The following TNRC18 variants were observed in gnomAD, a reference collection of about 807,000 sequenced individuals.
The protein encoded by TNRC18 is trinucleotide repeat containing 18, also known as trinucleotide repeat-containing gene 18 protein.
In TNRC18, 69 loss-of-function variants were observed where a neutral mutation model predicts 226.7. The ratio of observed to expected loss-of-function variants is 0.30; its 90% CI spans 0.25 to 0.37. TNRC18 has a LOEUF of 0.37. Ranked by LOEUF, TNRC18 falls within the 10% of genes least tolerant of loss-of-function variation. TNRC18 has a pLI of 1.00. For missense variants in TNRC18, 4,754 were observed against 4,256.6 expected, an observed-to-expected ratio of 1.12 and a Z score of -3.25; for synonymous variants, 2,449 against 1,927.6, an observed-to-expected ratio of 1.27 and a Z score of -7.09.
At chr7:5,345,166 G>A (rs1791038419) in intron 18 of TNRC18, among the ~76,000 whole-genome samples, 1 of 152,138 alleles carries the variant, frequency 6.6e-6, no homozygotes, top group African/African-American at 2.4e-5. Context: ...TCCTTCCCCT[G>A]CACCTGTGTC....
chr7:5,402,684 T>C (rs1781189782), intron 2 of TNRC18, among the ~76,000 whole-genome samples: 1 of 151,628 alleles, frequency 6.6e-6, no homozygotes, highest in Admixed American at 6.6e-5. Flanking sequence ...TGAAACCGCA[T>C]CTCTACTAAA....
rs1787010098 is a variant in TNRC18 at position 5,309,974 on chromosome 7, A to G, written c.8389-606T>C. 6.6e-6 allele frequency among the ~76,000 whole-genome samples: 1 copy of G among 152,076 alleles called. No homozygotes were observed. The highest frequency in any genetic ancestry group is 2.1e-4 in the South Asian group (1 of 4,822). On this transcript the variant is annotated intron_variant, in intron 27 of 29. Transcript: ENST00000430969. This position sits in a 1 kb window ranked among gnomAD's most constrained non-coding sequence, Gnocchi z 5.7. Reference sequence around the variant, plus strand: ...GTCACCCAGGCAGGACTGCAGTGGTAATATCATAGCTCACTGCAGCCTCGA... The same window carrying G: ...GTCACCCAGGCAGGACTGCAGTGGTGATATCATAGCTCACTGCAGCCTCGA...
chr7:5,405,815 A>C (rs1486883184), intron 2 of TNRC18, among the ~76,000 whole-genome samples: 2 of 152,056 alleles, frequency 1.3e-5, no homozygotes, highest in African/African-American at 2.4e-5. Flanking sequence ...CATAATCCCA[A>C]CATTTTGAGA....
chr7:5,403,864 C>A (rs899910171), intron 2 of TNRC18, among the ~76,000 whole-genome samples: 2 of 151,752 alleles, frequency 1.3e-5, no homozygotes, highest in African/African-American at 4.8e-5. Flanking sequence ...TCAGTCAAAC[C>A]AGAATTGTCA....
intron 11 of TNRC18, among the ~76,000 whole-genome samples, chr7:5,369,568 A>G (rs1793956782): frequency 1.3e-5 from 2 of 152,124 alleles, no homozygotes; most frequent in South Asian, 4.1e-4. Context: ...TCGAACAGCA[A>G]GAGGGAAGGA....
At chr7:5,356,712 C>G (rs1233578325) in intron 16 of TNRC18, among the ~76,000 whole-genome samples, 1 of 152,128 alleles carries the variant, frequency 6.6e-6, no homozygotes, top group Non-Finnish European at 1.5e-5. Flanking sequence ...ACCCGCCAGT[C>G]ACAGGCATAT....
chr7:5,388,628 G>A lies in TNRC18; in HGVS notation c.1196C>T (p.Ala399Val), dbSNP rs1353409542. ...QIASQARDAR[A>V]REREAGRPGV... ...TGGCCTGCCAGCCTCGCGCTCGCGG[G>A]CCCGGGCATCGCGCGCCTGGGATGC... is the stretch of plus-strand genomic sequence containing the variant. Residue 399 changes from alanine to valine, a missense_variant, in exon 5 of 30, where the codon GCC becomes GTC. Ala to Val is a moderately conservative substitution (Grantham distance 64). Transcript: ENST00000430969. The A allele has an allele frequency of 1.6e-6, 2 of 1,279,504 alleles. No individual in the cohort carries two copies. Among genetic ancestry groups the A allele is most frequent in the Non-Finnish European group, 2.0e-6 (2 of 1,012,094 alleles). The allele number at this position is 1,279,504 out of a possible 1,614,324, so 79.3% of individuals were successfully genotyped here.
In TNRC18 at chr7:5,313,399, G is replaced by C. The variant is rs768418601; in HGVS notation, c.7492C>G (p.Leu2498Val). 1.9e-5 allele frequency: 31 copies of C among 1,594,588 alleles called. No homozygotes were observed. The highest frequency in any genetic ancestry group is 2.6e-5 in the Non-Finnish European group (30 of 1,172,060). Reference protein sequence around the residue: ...GAGGWQEPKSLLSLGSYPPAA... With the variant: ...GAGGWQEPKSVLSLGSYPPAA... ...GGGGGATAGCTGCCCAGGCTCAGGA[G>C]GCTCTTGGGCTCCTGCCAGCCCCCC... The change falls in exon 27 of 30, where the codon CTC becomes GTC. Residue 2498 changes from leucine (L) to valine (V), a missense_variant. Coordinates refer to ENST00000430969, the MANE Select transcript of TNRC18 (RefSeq NM_001080495.3).
intron 2 of TNRC18, among the ~76,000 whole-genome samples, chr7:5,395,691 CACAATG>C (rs1780629480): frequency 6.6e-6 from 1 of 152,210 alleles, no homozygotes. Context: ...TGTGTTTAAC[CACAATG>C]ACAATATAAT....
intron 2 of TNRC18, among the ~76,000 whole-genome samples, chr7:5,406,207 G>A (rs1029242867): frequency 7.2e-5 from 11 of 152,212 alleles, no homozygotes; most frequent in African/African-American, 2.4e-5. Context: ...GCTCACGCCT[G>A]TAATCCCAGC....
chr7:5,403,992 A>T (rs1004276782), intron 2 of TNRC18, among the ~76,000 whole-genome samples: 1 of 152,204 alleles, frequency 6.6e-6, no homozygotes, highest in Non-Finnish European at 1.5e-5. Flanking sequence ...ACTCCCATAG[A>T]TCACAAGATC....
At chr7:5,410,141 T>A (rs1444643732) in intron 2 of TNRC18, among the ~76,000 whole-genome samples, 2 of 137,564 alleles carry the variant, frequency 1.5e-5, no homozygotes, top group Admixed American at 1.5e-4. Context: ...TGAAACCCCA[T>A]CTCTACTAAA....
In TNRC18 at chr7:5,308,169, C is replaced by T. The variant is rs868547989; in HGVS notation, c.8844G>A (p.Ala2948=). 6 of 1,587,106 alleles carry T rather than the reference C, an allele frequency of 3.8e-6. No individual in the cohort carries two copies. Among genetic ancestry groups the T allele is most frequent in the South Asian group, 2.3e-5 (2 of 87,254 alleles). ...YQDSEGLYYL[A]GTYEPTTGMI... ...TGCCCGTGGTGGGCTCGTAGGTGCC[C>T]GCGAGGTAGTACAGGCCCTCGCTGT... The change falls in exon 30 of 30, where the codon GCG becomes GCA. Residue 2948 remains alanine (A), a synonymous_variant. Coordinates refer to ENST00000430969, the MANE Select transcript of TNRC18 (RefSeq NM_001080495.3).
At chr7:5,328,908 C>T (rs1789221398) in intron 19 of TNRC18, among the ~76,000 whole-genome samples, 2 of 152,028 alleles carry the variant, frequency 1.3e-5, no homozygotes, top group African/African-American at 4.8e-5. Context: ...GAAAACTGCT[C>T]GAACTTGGAA....
rs929362684 is a variant in TNRC18 at position 5,402,040 on chromosome 7, G to A, written c.188-7445C>T. 4.6e-5 allele frequency among the ~76,000 whole-genome samples: 7 copies of A among 152,050 alleles called. No individual in the cohort carries two copies. In the South Asian group the frequency reaches 6.2e-4, roughly 14 times the overall value. The stretch of plus-strand genomic sequence containing the variant: ...AACAAAAAGAAAAAATTAGCTGGGC[G>A]TGGTGGCGGGCCCCTGTAGTCCCAG... On this transcript the variant is annotated intron_variant, in intron 2 of 29. Transcript: ENST00000430969.
At chr7:5,360,764 C>T (rs958342970) in intron 14 of TNRC18, among the ~76,000 whole-genome samples, 1 of 152,202 alleles carries the variant, frequency 6.6e-6, no homozygotes, top group Non-Finnish European at 1.5e-5. Flanking sequence ...TCTCCATCCT[C>T]TCTTCGGTCA....
At chr7:5,345,880 G>A in intron 17 of TNRC18, 70 bp from the exon 18 acceptor site, 2 of 1,480,484 alleles carry the variant, frequency 1.4e-6, no homozygotes, top group Non-Finnish European at 1.8e-6. Flanking sequence ...ACCGCCCCCT[G>A]GCCCAGAGTG....
intron 12 of TNRC18, 76 bp from the exon 13 acceptor site, chr7:5,362,109 G>A: frequency 1.3e-6 from 2 of 1,548,382 alleles, no homozygotes; most frequent in Non-Finnish European, 1.7e-6. Flanking sequence ...ACCCAGGGGT[G>A]CCCCTGAGGA....
chr7:5,321,944 T>C (rs1440304180), intron 21 of TNRC18, among the ~76,000 whole-genome samples: 6 of 151,876 alleles, frequency 4.0e-5, no homozygotes, highest in Admixed American at 3.3e-4. Context: ...GTACTGGGAT[T>C]ACCGGTGTGA....
Sources: allele counts gnomAD v4.1 joint callset (sites outside exome capture counted in the v4.1 genomes callset), GRCh38; gene constraint gnomAD v4.1.1; non-coding constraint Gnocchi (gnomAD v3.1); transcripts MANE v1.5; gene names NCBI Gene and HGNC (gene_info 2026-07-23, HGNC 2026-07-21).